The following GPC6 variants were observed in gnomAD, a reference collection of about 807,000 sequenced individuals.
GPC6 encodes glypican 6.
GPC6 carries 14 observed loss-of-function variants against 55.2 expected under a neutral mutation model. That is an observed-to-expected ratio of 0.25 (90% CI 0.17 to 0.40). The LOEUF is 0.40. Among genes scored for constraint, GPC6 ranks in the 10% least tolerant of loss-of-function variants. The probability of loss-of-function intolerance (pLI) is 1.00; values close to 1 mark genes in which losing one functional copy is unlikely to be tolerated. For synonymous variants in GPC6, 278 were observed against 259.6 expected, an observed-to-expected ratio of 1.07 and a Z score of -0.68; for missense variants, 641 against 708.5, an observed-to-expected ratio of 0.90 and a Z score of 1.08.
chr13:93,728,163 C>T (rs1369622546), intron 2 of GPC6, among the ~76,000 whole-genome samples: 2 of 152,004 alleles, frequency 1.3e-5, no homozygotes, highest in East Asian at 3.9e-4. Flanking sequence ...TTTGCAGACT[C>T]GCTTTCTTCA....
intron 1 of GPC6, among the ~76,000 whole-genome samples, chr13:93,444,630 T>C (rs1052180393): frequency 1.3e-5 from 2 of 152,018 alleles, no homozygotes; most frequent in Non-Finnish European, 2.9e-5. Flanking sequence ...ACAACAACAA[T>C]AAAAACATGC....
chr13:93,707,228 G>C (rs146639949), intron 2 of GPC6, among the ~76,000 whole-genome samples: 103 of 151,830 alleles, frequency 6.8e-4, no homozygotes, highest in African/African-American at 2.4e-3. Flanking sequence ...CCACACTGGG[G>C]CTCTTTGGAG....
intron 5 of GPC6, among the ~76,000 whole-genome samples, chr13:94,303,786 T>G (rs1472623639): frequency 6.9e-6 from 1 of 144,534 alleles, no homozygotes; most frequent in South Asian, 2.2e-4. Context: ...AAAAAAAAAA[T>G]TCCAGCAAAC....
chr13:93,350,147 A>G (rs1566311685), intron 1 of GPC6, among the ~76,000 whole-genome samples: 2 of 152,202 alleles, frequency 1.3e-5, no homozygotes, highest in East Asian at 3.9e-4. Flanking sequence ...AAGAAAATAA[A>G]TTCTTGGCCA....
intron 1 of GPC6, among the ~76,000 whole-genome samples, chr13:93,544,562 G>C (rs1229799723): frequency 6.6e-6 from 1 of 152,280 alleles, no homozygotes; most frequent in East Asian, 1.9e-4. Flanking sequence ...CAAAGGATTG[G>C]CTTCTACTTG....
intron 1 of GPC6, among the ~76,000 whole-genome samples, chr13:93,298,216 T>C (rs1878558982): frequency 6.6e-6 from 1 of 152,176 alleles, no homozygotes; most frequent in Admixed American, 6.5e-5. Context: ...ACATCAGCAA[T>C]GACAACCACA....
intron 4 of GPC6, among the ~76,000 whole-genome samples, chr13:94,238,516 A>C (rs1890949277): frequency 6.6e-6 from 1 of 152,188 alleles, no homozygotes; most frequent in African/African-American, 2.4e-5. Context: ...CTAAGGGAGT[A>C]GAGTTACTCC....
chr13:93,969,100 G>A (rs1197200018), intron 3 of GPC6, among the ~76,000 whole-genome samples: 1 of 152,118 alleles, frequency 6.6e-6, no homozygotes, highest in Non-Finnish European at 1.5e-5. Context: ...AGCACCAACC[G>A]AAGAGATAAT....
chr13:93,895,330 G>C (rs949743379), intron 3 of GPC6, among the ~76,000 whole-genome samples: 31 of 148,610 alleles, frequency 2.1e-4, no homozygotes, highest in African/African-American at 7.7e-4. Context: ...ATTTGAGTCT[G>C]TGCTGGGCAA....
rs138563560 is a variant in GPC6 at position 93,307,531 on chromosome 13, A to G, written c.160+79915A>G. On this transcript the variant is annotated intron_variant, in intron 1 of 8. Transcript: ENST00000377047. ...ATTATAATAATTCTAATTATAAACC[A>G]CTCATACCTATGTATGGAAAGAGCA... Among the ~76,000 whole-genome samples, 3 of 152,196 alleles carry G rather than the reference A, an allele frequency of 2.0e-5. No individual in the cohort carries two copies. In the East Asian group the frequency reaches 5.8e-4, roughly 29 times the overall value.
intron 3 of GPC6, among the ~76,000 whole-genome samples, chr13:93,920,424 G>C (rs1176742132): frequency 6.6e-6 from 1 of 151,848 alleles, no homozygotes; most frequent in Non-Finnish European, 1.5e-5. Flanking sequence ...CCTCTCTTTA[G>C]CTTCATTCTA....
chr13:94,055,930 G>A (rs1296753002), intron 4 of GPC6, among the ~76,000 whole-genome samples: 1 of 152,200 alleles, frequency 6.6e-6, no homozygotes, highest in Non-Finnish European at 1.5e-5. Flanking sequence ...TACAAGTGGG[G>A]AGGCTGATCT....
chr13:94,310,956 A>G (rs989917314), intron 6 of GPC6, among the ~76,000 whole-genome samples: 20 of 152,162 alleles, frequency 1.3e-4, no homozygotes, highest in African/African-American at 4.8e-4. Flanking sequence ...ATAAGGTGCT[A>G]ATGTTTCCAT....
chr13:93,392,910 C>T (rs919338073), intron 1 of GPC6, among the ~76,000 whole-genome samples: 2 of 151,754 alleles, frequency 1.3e-5, no homozygotes, highest in African/African-American at 4.8e-5. Context: ...AATCTAAACC[C>T]GTGTATTTTA....
chr13:93,447,668 T>A (rs906867177), intron 1 of GPC6, among the ~76,000 whole-genome samples: 5 of 152,222 alleles, frequency 3.3e-5, no homozygotes, highest in Non-Finnish European at 7.3e-5. Context: ...CATGAAATGT[T>A]ATATAAACTA....
intron 2 of GPC6, among the ~76,000 whole-genome samples, chr13:93,699,114 A>G (rs887894898): frequency 6.6e-6 from 1 of 152,128 alleles, no homozygotes; most frequent in Admixed American, 6.6e-5. Flanking sequence ...AACCTGGGAA[A>G]GACTGGCACA....
chr13:93,441,059 G>A (rs1316401610), intron 1 of GPC6, among the ~76,000 whole-genome samples: 6 of 152,152 alleles, frequency 3.9e-5, no homozygotes, highest in Admixed American at 3.9e-4. Flanking sequence ...ATTCCATGGT[G>A]TATATGTGCC....
chr13:93,746,332 T>G (rs371326480), intron 2 of GPC6, among the ~76,000 whole-genome samples: 1 of 152,182 alleles, frequency 6.6e-6, no homozygotes, highest in African/African-American at 2.4e-5. Context: ...GTTGATAAAC[T>G]GAGCTTATTC....
At chr13:93,652,335 C>G (rs1408068586) in intron 2 of GPC6, among the ~76,000 whole-genome samples, 1 of 152,122 alleles carries the variant, frequency 6.6e-6, no homozygotes, top group Non-Finnish European at 1.5e-5. Flanking sequence ...ACTCTAGTCT[C>G]CACAACAGAC....
Sources: gnomAD v4.1 joint callset for allele counts (sites outside exome capture counted in the v4.1 genomes callset) on GRCh38, gnomAD v4.1.1 for gene constraint, MANE v1.5 for transcripts, NCBI Gene and HGNC (gene_info 2026-07-23, HGNC 2026-07-21) for gene names.